IGSF10: variants seen among roughly 807,000 people sequenced by gnomAD.
The protein encoded by IGSF10 is immunoglobulin superfamily member 10.
Under a neutral mutation model 128.2 loss-of-function variants are expected in IGSF10, and 126 were observed. The ratio of observed to expected loss-of-function variants is 0.98; its 90% confidence interval spans 0.85 to 1.14. IGSF10 has a LOEUF of 1.14. Ranked by LOEUF, IGSF10 falls within the 50% of genes most tolerant of loss-of-function variation. IGSF10 has a pLI of 0.00. For missense variants in IGSF10, 3,295 were observed against 3,149.8 expected (o/e 1.05, Z -1.10); for synonymous variants, 1,185 against 1,146.2 (o/e 1.03, Z -0.68).
At chr3:151,511,972 T>C in the IGSF10 span, among the ~76,000 whole-genome samples, 8 of 152,248 alleles carry the variant, frequency 5.3e-5, no homozygotes, top group East Asian at 1.5e-3. Context: ...AGCAAGTCCT[T>C]AGTGACCTAC....
the IGSF10 span, among the ~76,000 whole-genome samples, chr3:151,563,547 A>G: frequency 6.6e-5 from 10 of 152,258 alleles, no homozygotes; most frequent in East Asian, 1.7e-3. Context: ...CAGATACTCA[A>G]TTGTCCCTGA....
the IGSF10 span, among the ~76,000 whole-genome samples, chr3:151,617,320 C>CTTCTTCTTCTTCTTCTTCTCCTCCT: frequency 3.6e-5 from 3 of 83,630 alleles, no homozygotes; most frequent in African/African-American, 1.0e-4. Context: ...CTTCTTCTTC[C>CTTCTTCTTCTTCTTCTTCTCCTCCT]CCTCCTCCTC....
At chr3:151,455,391 G>A (rs1721742370) in intron 4 of IGSF10, among the ~76,000 whole-genome samples, 1 of 152,108 alleles carries the variant, frequency 6.6e-6, no homozygotes, top group African/African-American at 2.4e-5. Context: ...GGGGTTACAG[G>A]TGTGAGCCAC....
the IGSF10 span, among the ~76,000 whole-genome samples, chr3:151,579,902 G>C: frequency 6.6e-6 from 1 of 151,004 alleles, no homozygotes; most frequent in Non-Finnish European, 1.5e-5. Context: ...AAGGAAGGAA[G>C]GAAGGAAGGA....
the IGSF10 span, among the ~76,000 whole-genome samples, chr3:151,517,050 T>A: frequency 6.6e-6 from 1 of 152,064 alleles, no homozygotes; most frequent in African/African-American, 2.4e-5. Context: ...AGTTCTTTTT[T>A]CTATGGTTGG....
chr3:151,474,063 T>G, the IGSF10 span, among the ~76,000 whole-genome samples: 2 of 152,168 alleles, frequency 1.3e-5, no homozygotes, highest in African/African-American at 2.4e-5. Flanking sequence ...TTAGATTTTG[T>G]AGCCAATTAG....
the IGSF10 span, among the ~76,000 whole-genome samples, chr3:151,580,693 A>G: frequency 3.9e-5 from 6 of 152,206 alleles, no homozygotes; most frequent in African/African-American, 1.2e-4. Context: ...AAATCTGTCT[A>G]TAAGGGAGCT....
At chr3:151,606,842 G>C in the IGSF10 span, among the ~76,000 whole-genome samples, 1 of 152,106 alleles carries the variant, frequency 6.6e-6, no homozygotes, top group South Asian at 2.1e-4. Flanking sequence ...GTGATTTTTT[G>C]CTAGGTTGAA....
intron 6 of IGSF10, among the ~76,000 whole-genome samples, chr3:151,444,536 C>G (rs1721071157): frequency 1.3e-5 from 2 of 152,154 alleles, no homozygotes; most frequent in Non-Finnish European, 2.9e-5. Context: ...TCCTGAACTC[C>G]TGACCTCAGG....
At chr3:151,541,920 G>A in the IGSF10 span, among the ~76,000 whole-genome samples, 2 of 152,034 alleles carry the variant, frequency 1.3e-5, no homozygotes, top group African/African-American at 2.4e-5. Flanking sequence ...TTGTGTATGC[G>A]GCAGGTAGCA....
At chr3:151,542,061 CT>C in the IGSF10 span, among the ~76,000 whole-genome samples, 5 of 152,310 alleles carry the variant, frequency 3.3e-5, no homozygotes, top group East Asian at 9.6e-4. Context: ...CCCAGGTGAT[CT>C]TATTTATTCA....
chr3:151,587,881 CTACT>C, the IGSF10 span, among the ~76,000 whole-genome samples: 2 of 152,192 alleles, frequency 1.3e-5, no homozygotes, highest in African/African-American at 4.8e-5. Context: ...ACATGACTTG[CTACT>C]CCTTGCCTTC....
At chr3:151,515,872 T>C in the IGSF10 span, among the ~76,000 whole-genome samples, 1 of 151,956 alleles carries the variant, frequency 6.6e-6, no homozygotes, top group Admixed American at 6.6e-5. Context: ...TGATGGGCCA[T>C]TTAAATATTT....
chr3:151,572,561 G>A, the IGSF10 span, among the ~76,000 whole-genome samples: 5 of 152,244 alleles, frequency 3.3e-5, no homozygotes, highest in East Asian at 5.8e-4. Context: ...GGGATCAGTG[G>A]TGATATCCCC....
the IGSF10 span, among the ~76,000 whole-genome samples, chr3:151,528,826 A>C: frequency 4.1e-5 from 6 of 145,242 alleles, no homozygotes; most frequent in African/African-American, 1.5e-4. Context: ...TTCATACCCC[A>C]GTGTACCTGG....
At chr3:151,587,073 G>T in the IGSF10 span, among the ~76,000 whole-genome samples, 3 of 151,916 alleles carry the variant, frequency 2.0e-5, no homozygotes, top group Admixed American at 6.6e-5. Context: ...AATTTTTGAG[G>T]GAATTTGTTC....
At chr3:151,571,069 C>G in the IGSF10 span, among the ~76,000 whole-genome samples, 13 of 152,236 alleles carry the variant, frequency 8.5e-5, no homozygotes, top group African/African-American at 2.9e-4. Flanking sequence ...ATTTCTGAGG[C>G]CTCTGTTCTG....
At chr3:151,512,447 G>A in the IGSF10 span, among the ~76,000 whole-genome samples, 1 of 151,934 alleles carries the variant, frequency 6.6e-6, no homozygotes, top group Admixed American at 6.6e-5. Context: ...AGAATCTCTG[G>A]GACATATTCA....
chr3:151,519,146 C>A, the IGSF10 span, among the ~76,000 whole-genome samples: 1 of 151,814 alleles, frequency 6.6e-6, no homozygotes, highest in South Asian at 2.1e-4. Flanking sequence ...AACAACCAAC[C>A]ACAAAAATCT....
Sources: gnomAD v4.1 joint callset for allele counts (sites outside exome capture counted in the v4.1 genomes callset) on GRCh38, gnomAD v4.1.1 for gene constraint, MANE v1.5 for transcripts, NCBI Gene and HGNC (gene_info 2026-07-23, HGNC 2026-07-21) for gene names.